Variants in CENPL observed in about 807,000 individuals in gnomAD.
CENPL encodes interphase centromere complex protein 33.
In CENPL, 20 loss-of-function variants were observed where a neutral mutation model predicts 35.2. That is an observed-to-expected ratio of 0.57 (90% CI 0.40 to 0.83). CENPL has a LOEUF of 0.83. Ranked by LOEUF, CENPL falls within the 40% of genes least tolerant of loss-of-function variation. The probability of loss-of-function intolerance (pLI) is 0.00; values close to 1 mark genes in which losing one functional copy is unlikely to be tolerated. For synonymous variants in CENPL, 140 were observed against 140.6 expected (o/e 1.00, Z 0.03); for missense variants, 363 against 395.8 (o/e 0.92, Z 0.70).
At chr1:173,815,553 A>G (rs921723271) in intron 2 of CENPL, among the ~76,000 whole-genome samples, 1 of 152,210 alleles carries the variant, frequency 6.6e-6, no homozygotes, top group African/African-American at 2.4e-5. Flanking sequence ...AATAAATGTA[A>G]TTCATCACAT....
chr1:173,808,182 C>T (rs1351415071), intron 3 of CENPL, among the ~76,000 whole-genome samples: 3 of 151,750 alleles, frequency 2.0e-5, no homozygotes, highest in Admixed American at 6.6e-5. Context: ...CTGAGGCAGG[C>T]GGATCACAAG....
At chr1:173,805,209 T>C (rs567449997) in intron 4 of CENPL, among the ~76,000 whole-genome samples, 2 of 152,286 alleles carry the variant, frequency 1.3e-5, no homozygotes, top group Non-Finnish European at 2.9e-5. Context: ...TATCCATTTT[T>C]CCTCCCACAA....
chr1:173,812,427 A>G (rs1384471983), intron 2 of CENPL, among the ~76,000 whole-genome samples: 1 of 152,190 alleles, frequency 6.6e-6, no homozygotes, highest in African/African-American at 2.4e-5. Flanking sequence ...GGGCCGACTG[A>G]CACCTCACAC....
At position 173,811,146 on chromosome 1, in the gene CENPL, A is replaced by G. The variant is rs1479323967; in HGVS notation, c.154T>C (p.Cys52Arg). ...AAAAAGCATACCTGCAACTGCGAAC[A>G]CTGGGGAATTTTCCTTCGAGGTGGA... ...LTPPRRKIPQ[C>R]SQLQEDVDPQ... is the part of the protein sequence containing the mutation. Residue 52 changes from cysteine to arginine, a missense_variant, in exon 3 of 6, where the codon TGT becomes CGT. Coordinates refer to ENST00000682279, the MANE Select transcript of CENPL (RefSeq NM_001387287.1). 1 of 1,612,420 alleles carries G rather than the reference A, an allele frequency of 6.2e-7. No homozygotes were observed. The highest frequency in any genetic ancestry group is 8.5e-7 in the Non-Finnish European group (1 of 1,178,710).
At chr1:173,802,310 A>G (rs1649824233) in intron 5 of CENPL, among the ~76,000 whole-genome samples, 1 of 151,580 alleles carries the variant, frequency 6.6e-6, no homozygotes, top group South Asian at 2.1e-4. Flanking sequence ...GGTTCACACC[A>G]TTCTCCTGCC....
At chr1:173,804,287 C>T (rs945166490) in intron 4 of CENPL, among the ~76,000 whole-genome samples, 1 of 152,212 alleles carries the variant, frequency 6.6e-6, no homozygotes, top group Admixed American at 6.5e-5. Context: ...ATAATCACAT[C>T]TGATCTCTCT....
At chr1:173,817,608 G>A (rs924984046) in intron 2 of CENPL, among the ~76,000 whole-genome samples, 1 of 152,178 alleles carries the variant, frequency 6.6e-6, no homozygotes, top group Non-Finnish European at 1.5e-5. Flanking sequence ...AATTCCTCAA[G>A]GATCTAGAAC....
chr1:173,809,851 C>CA (rs912558612), intron 3 of CENPL, among the ~76,000 whole-genome samples: 78 of 147,288 alleles, frequency 5.3e-4, no homozygotes, highest in African/African-American at 8.7e-4. Flanking sequence ...AATAAAAAGT[C>CA]AAAAAAAAAC....
chr1:173,812,102 C>T (rs1356390993), intron 2 of CENPL, among the ~76,000 whole-genome samples: 7 of 152,250 alleles, frequency 4.6e-5, no homozygotes, highest in Admixed American at 6.5e-5. Flanking sequence ...GAGACAGCAG[C>T]CTCGTGGTGG....
Position 173,811,206 on chromosome 1 carries a change from C to G in CENPL, c.94G>C (p.Glu32Gln). 1.2e-6 allele frequency: 2 copies of G among 1,614,038 alleles called. No individual in the cohort carries two copies. The highest frequency in any genetic ancestry group is 1.7e-6 in the Non-Finnish European group (2 of 1,179,932). ...IGATPLQKRLESVRKQSSFIL... is the reference protein window; with the variant it reads ...IGATPLQKRLQSVRKQSSFIL... ...AATGAACTCTGCTTCCTGACCGATT[C>G]TAATCGTTTCTGCAGAGGAGTGGCA... The change falls in exon 3 of 6, where the codon GAA (glutamate) becomes CAA (glutamine). Residue 32 changes from glutamate (E) to glutamine (Q), a missense_variant. By Grantham distance (29) the Glu-to-Gln change is conservative (BLOSUM62 2). Coordinates refer to ENST00000682279, the MANE Select transcript of CENPL (RefSeq NM_001387287.1).
chr1:173,805,117 C>G (rs1004042892), intron 4 of CENPL, among the ~76,000 whole-genome samples: 4 of 152,192 alleles, frequency 2.6e-5, no homozygotes, highest in African/African-American at 9.6e-5. Context: ...AGGGTAGATG[C>G]TTGACTGATA....
In CENPL at chr1:173,824,009, A is replaced by G. The variant is rs1004390043; in HGVS notation, c.-91T>C. ...AGTCCGGCTCCAAAACTATGTGGAG[A>G]CTGAAATCCCCTGAAGAAAAAAAAA... On this transcript the variant is annotated 5_prime_UTR_variant, in exon 2 of 6. Transcript: ENST00000682279. 6.6e-6 allele frequency: 1 copy of G among 150,912 alleles called. No homozygotes were observed. Among genetic ancestry groups the G allele is most frequent in the Non-Finnish European group, 1.5e-5 (1 of 67,750 alleles). 9.3% of individuals were successfully genotyped at this position (150,912 alleles called of 1,614,324 possible).
intron 2 of CENPL, among the ~76,000 whole-genome samples, chr1:173,813,624 C>G (rs1037060217): frequency 6.6e-6 from 1 of 152,164 alleles, no homozygotes; most frequent in African/African-American, 2.4e-5. Context: ...CAAGCAAATG[C>G]TAAGAGATTT....
intron 2 of CENPL, chr1:173,822,629 CCTTTT>C (rs1167571290): frequency 6.6e-6 from 1 of 152,156 alleles, no homozygotes; most frequent in Admixed American, 6.5e-5. Context: ...TTCCATTCTT[CCTTTT>C]CATTTTCTTT....
intron 3 of CENPL, among the ~76,000 whole-genome samples, chr1:173,808,806 T>A (rs1650483408): frequency 6.6e-6 from 1 of 151,992 alleles, no homozygotes; most frequent in African/African-American, 2.4e-5. Flanking sequence ...ACCTAGGCAA[T>A]ACCATTCAGG....
At chr1:173,817,219 T>C (rs533039904) in intron 2 of CENPL, among the ~76,000 whole-genome samples, 5 of 151,284 alleles carry the variant, frequency 3.3e-5, no homozygotes, top group East Asian at 3.9e-4. Context: ...GAACAGGCAA[T>C]CTACAGAATG....
Position 173,807,410 on chromosome 1 carries a change from T to C in CENPL, c.277A>G (p.Arg93Gly), listed in dbSNP as rs759796518. ...FSYSNLKEYS[R>G]LLNAFIVAEK... ...GCAACAATAAAAGCATTGAGAAGTC[T>C]AGAATACTCTTTGAGATTACTATAG... Residue 93 changes from arginine (R) to glycine (G), a missense_variant, in exon 4 of 6, where the codon AGA becomes GGA. Coordinates refer to ENST00000682279, the MANE Select transcript of CENPL (RefSeq NM_001387287.1). 3.1e-6 allele frequency: 5 copies of C among 1,612,820 alleles called. No homozygotes were observed. The highest frequency in any genetic ancestry group is 4.2e-6 in the Non-Finnish European group (5 of 1,179,228).
chr1:173,818,860 A>G (rs1651664824), intron 2 of CENPL, among the ~76,000 whole-genome samples: 1 of 152,198 alleles, frequency 6.6e-6, no homozygotes, highest in African/African-American at 2.4e-5. Flanking sequence ...TTTCTCTTGT[A>G]TAATTACCCA....
chr1:173,812,396 T>C (rs1486733994), intron 2 of CENPL, among the ~76,000 whole-genome samples: 3 of 152,186 alleles, frequency 2.0e-5, no homozygotes, highest in Non-Finnish European at 4.4e-5. Context: ...TGTAGCCTAA[T>C]TGGGAGACAC....
Sources: allele counts gnomAD v4.1 joint callset (sites outside exome capture counted in the v4.1 genomes callset), GRCh38; gene constraint gnomAD v4.1.1; transcripts MANE v1.5; gene names NCBI Gene and HGNC (gene_info 2026-07-23, HGNC 2026-07-21).